ANKRD37: variants seen among roughly 807,000 people sequenced by gnomAD.
The protein encoded by ANKRD37 is ankyrin repeat domain 37.
A neutral mutation model predicts 19.7 loss-of-function variants in ANKRD37; 17 were observed. The ratio of observed to expected loss-of-function variants is 0.86; its 90% CI spans 0.59 to 1.29. The LOEUF is 1.29. Ranked by LOEUF, ANKRD37 falls within the 50% of genes most tolerant of loss-of-function variation. The pLI is 0.00. For synonymous variants in ANKRD37, 79 were observed against 74.5 expected (o/e 1.06, Z -0.31); for missense variants, 207 against 190.4 (o/e 1.09, Z -0.51).
At chr4:185,399,161 G>GA in intron 3 of ANKRD37, 133 bp downstream of exon 3, 1 of 786,382 alleles carries the variant, frequency 1.3e-6, no homozygotes. Flanking sequence ...TCATTTAAAT[G>GA]TTAACTTAGG....
Position 185,396,897 on chromosome 4 carries a change from ACT to A in ANKRD37, c.-24_-23del, listed in dbSNP as rs2095504879. On this transcript the variant is annotated 5_prime_UTR_variant, in exon 1 of 5. Transcript: ENST00000335174. ...GTCTCACCTCTCTGCACTTCCAAGG[ACT>A]CTTGTCATCTGCCTTAGGCGGGAAA... 1.9e-6 allele frequency: 3 copies of A among 1,612,358 alleles called. No homozygotes were observed. Among genetic ancestry groups the A allele is most frequent in the South Asian group, 1.1e-5 (1 of 91,076 alleles).
chr4:185,397,508 G>A (rs370163865), intron 2 of ANKRD37: 1 of 614,172 alleles, frequency 1.6e-6, no homozygotes, highest in Non-Finnish European at 2.6e-6. Context: ...AAGTTTTTAA[G>A]TAGCCACATT....
chr4:185,397,294 A>G lies in ANKRD37; in HGVS notation c.172A>G (p.Asn58Asp). ...GCAGCTGCAAACGGGCGCTGACCTC[A>G]ACCAGCAGGTAACTAGGTAACTGTT... Reference protein sequence around the residue: ...LWQLQTGADLNQQDVLGEAPL... With the variant: ...LWQLQTGADLDQQDVLGEAPL... The change falls in exon 2 of 5, where the codon AAC becomes GAC. Residue 58 changes from asparagine (N) to aspartate (D), a missense_variant. Physicochemically the swap from Asn to Asp is conservative, Grantham distance 23. Coordinates refer to ENST00000335174, the MANE Select transcript of ANKRD37 (RefSeq NM_181726.4). 1.2e-6 allele frequency: 2 copies of G among 1,613,874 alleles called. No individual in the cohort carries two copies. Among genetic ancestry groups the G allele is most frequent in the Middle Eastern group, 1.6e-4 (1 of 6,062 alleles).
At chr4:185,399,965 T>C in intron 4 of ANKRD37, 52 bp from the exon 5 acceptor site, 1 of 1,588,862 alleles carries the variant, frequency 6.3e-7, no homozygotes. Flanking sequence ...AGTTTGGGGA[T>C]AAAACTCTTT....
chr4:185,398,425 T>C (rs2095508459), intron 2 of ANKRD37, among the ~76,000 whole-genome samples: 1 of 152,226 alleles, frequency 6.6e-6, no homozygotes, highest in Admixed American at 6.5e-5. Flanking sequence ...GAAATGAATA[T>C]GCAAGCATAG....
chr4:185,400,603 G>T, downstream of ANKRD37: 1 of 571,972 alleles, frequency 1.7e-6, no homozygotes, highest in Non-Finnish European at 3.0e-6. Context: ...TATCATTCAA[G>T]GATTTGAATT....
At position 185,396,853 on chromosome 4, in the gene ANKRD37, C is replaced by A; in HGVS notation, c.-71C>A. 1 of 1,527,622 alleles carries A rather than the reference C, an allele frequency of 6.5e-7. No homozygotes were observed. The highest frequency in any genetic ancestry group is 9.0e-7 in the Non-Finnish European group (1 of 1,107,056). 94.6% of individuals were successfully genotyped at this position (1,527,622 alleles called of 1,614,324 possible). A position where few individuals can be genotyped will look rare whatever the true frequency, so the allele number is the denominator to read the frequency against. ...CTAGGGCCAGCCTGCGCATTCTTAC[C>A]TGTCGGGGTGCGGCGAGTGTCTCAC... On this transcript the variant is annotated 5_prime_UTR_variant, in exon 1 of 5. The change creates a new upstream start codon in the 5' untranslated region. Coordinates refer to ENST00000335174, the MANE Select transcript of ANKRD37 (RefSeq NM_181726.4).
chr4:185,399,478 C>A, intron 3 of ANKRD37, 92 bp from the exon 4 acceptor site: 2 of 1,408,484 alleles, frequency 1.4e-6, no homozygotes, highest in South Asian at 1.3e-5. Flanking sequence ...CTGCAACCAA[C>A]ATTTGTATGA....
In ANKRD37 at chr4:185,399,582, G is replaced by T; in HGVS notation, c.285G>T (p.Lys95Asn). The T allele has an allele frequency of 6.2e-7, 1 of 1,614,114 alleles. No individual in the cohort carries two copies. Among genetic ancestry groups the T allele is most frequent in the Admixed American group, 1.7e-5 (1 of 60,016 alleles). The change falls in exon 4 of 5, where the codon AAG (lysine) becomes AAT (asparagine). Residue 95 changes from lysine (K) to asparagine (N), a missense_variant. Coordinates refer to ENST00000335174, the MANE Select transcript of ANKRD37 (RefSeq NM_181726.4). ...ASDAQIDLCN[K>N]NGQTAEDLAW... ...ATCCTGTTTTCAGTTTATGTAATAA[G>T]AACGGGCAAACAGCTGAAGATCTCG...
chr4:185,397,117 G>A, intron 1 of ANKRD37, 33 bp from the exon 2 acceptor site: 1 of 1,611,850 alleles, frequency 6.2e-7, no homozygotes, highest in Non-Finnish European at 8.5e-7. Flanking sequence ...GGACAAAGGT[G>A]GGAAGGGTGC....
chr4:185,397,048 CCTGGTCAGAG>C, intron 1 of ANKRD37, 92 bp from the exon 2 acceptor site: 1 of 1,609,818 alleles, frequency 6.2e-7, no homozygotes, highest in South Asian at 1.1e-5. Flanking sequence ...CTGGGCGCTG[CCTGGTCAGAG>C]CTGGTTGTGA....
In ANKRD37 at chr4:185,397,141, T is replaced by C. The variant is rs1488756266; in HGVS notation, c.28-9T>C. On this transcript the variant is annotated splice_polypyrimidine_tract_variant and intron_variant, in intron 1 of 4. Coordinates refer to ENST00000335174, the MANE Select transcript of ANKRD37 (RefSeq NM_181726.4). ...TGGGAAGGGTGCTGGATCTGTTCTC[T>C]TCCTGCAGGTGGATGGTCTGAAGCA... 4.3e-6 allele frequency: 7 copies of C among 1,613,044 alleles called. No individual in the cohort carries two copies. Among genetic ancestry groups the C allele is most frequent in the Non-Finnish European group, 5.1e-6 (6 of 1,179,926 alleles).
At position 185,397,253 on chromosome 4, in the gene ANKRD37, C is replaced by G; in HGVS notation, c.131C>G (p.Ala44Gly). 1 of 1,614,108 alleles carries G rather than the reference C, an allele frequency of 6.2e-7. No homozygotes were observed. Among genetic ancestry groups the G allele is most frequent in the Non-Finnish European group, 8.5e-7 (1 of 1,180,018 alleles). The stretch of plus-strand genomic sequence containing the variant: ...CACTTAGCCGCAGGAAGCGGCCTTG[C>G]TTGCTTTCTTCTCTGGCAGCTGCAA... ...PVHLAAGSGLACFLLWQLQTG... is the reference protein window; with the variant it reads ...PVHLAAGSGLGCFLLWQLQTG... Residue 44 changes from alanine to glycine, a missense_variant, in exon 2 of 5, where the codon GCT (alanine) becomes GGT (glycine). Physicochemically the swap from Ala to Gly is moderately conservative, Grantham distance 60 (BLOSUM62 0). Coordinates refer to ENST00000335174, the MANE Select transcript of ANKRD37 (RefSeq NM_181726.4).
At chr4:185,400,706 A>G, downstream of ANKRD37, 1 of 392,536 alleles carries the variant, frequency 2.5e-6, no homozygotes, top group Non-Finnish European at 4.5e-6. Flanking sequence ...AAAATCATTA[A>G]AAAAAATTTA....
intron 2 of ANKRD37, among the ~76,000 whole-genome samples, chr4:185,398,181 C>T (rs947103010): frequency 6.6e-6 from 1 of 152,080 alleles, no homozygotes; most frequent in Non-Finnish European, 1.5e-5. Flanking sequence ...TGGTCTCGAA[C>T]TCCTGACCTT....
intron 2 of ANKRD37, among the ~76,000 whole-genome samples, chr4:185,397,917 CTTT>C (rs935478563): frequency 4.6e-5 from 7 of 152,150 alleles, no homozygotes; most frequent in East Asian, 1.9e-4. Context: ...TGGAAGAACT[CTTT>C]TTATTTGCTT....
intron 4 of ANKRD37, 114 bp downstream of exon 4, chr4:185,399,887 T>G: frequency 6.5e-7 from 1 of 1,541,664 alleles, no homozygotes; most frequent in South Asian, 1.2e-5. Context: ...TGTTTCATTC[T>G]CATTAACATT....
rs2095510845 is a variant in ANKRD37 at position 185,399,734 on chromosome 4, T to C, written c.437T>C (p.Leu146Pro). The C allele has an allele frequency of 6.2e-7, 1 of 1,613,974 alleles. No homozygotes were observed. The highest frequency in any genetic ancestry group is 1.7e-5 in the Admixed American group (1 of 60,002). ...CVAVLRQKRSLGSVENTSGKR... is the reference protein window; with the variant it reads ...CVAVLRQKRSPGSVENTSGKR... ...GCCGTGCTCAGACAGAAACGGAGTC[T>C]CGGAAGTGTAGAAAATACCAGTGGG... Residue 146 changes from leucine to proline, a missense_variant, in exon 4 of 5, where the codon CTC (leucine) becomes CCC (proline). Leu to Pro is a moderately conservative substitution (Grantham distance 98). Transcript: ENST00000335174.
In ANKRD37 at chr4:185,397,195, G is replaced by A; in HGVS notation, c.73G>A (p.Ala25Thr). 6.2e-7 allele frequency: 1 copy of A among 1,613,886 alleles called. No individual in the cohort carries two copies. Among genetic ancestry groups the A allele is most frequent in the Non-Finnish European group, 8.5e-7 (1 of 1,180,028 alleles). The change falls in exon 2 of 5, where the codon GCA becomes ACA. Residue 25 changes from alanine to threonine, a missense_variant. Ala to Thr is a moderately conservative substitution (Grantham distance 58, BLOSUM62 0). Coordinates refer to ENST00000335174, the MANE Select transcript of ANKRD37 (RefSeq NM_181726.4). The part of the protein sequence containing the change: ...HLLETGASVN[A>T]PPDPCKQSPV... ...GCTGGAGACAGGGGCCTCGGTCAAC[G>A]CACCCCCGGATCCCTGCAAGCAGTC...
Sources: gnomAD v4.1 joint callset for allele counts (sites outside exome capture counted in the v4.1 genomes callset) on GRCh38, gnomAD v4.1.1 for gene constraint, MANE v1.5 for transcripts, NCBI Gene and HGNC (gene_info 2026-07-23, HGNC 2026-07-21) for gene names.